The following XPO6 variants were observed in gnomAD, a reference collection of about 807,000 sequenced individuals.
The protein encoded by XPO6 is exportin-6.
A neutral mutation model predicts 130.0 loss-of-function variants in XPO6; 3 were observed. That is an observed-to-expected ratio of 0.02 (90% CI 0.01 to 0.06). The LOEUF is 0.06. Ranked by LOEUF, XPO6 falls within the 10% of genes least tolerant of loss-of-function variation. The pLI is 1.00. For missense variants in XPO6, 970 were observed against 1,393.0 expected (o/e 0.70, Z 4.83); for synonymous variants, 524 against 548.9 (o/e 0.95, Z 0.63).
chr16:28,113,261 T>G (rs2086974753), intron 15 of XPO6, among the ~76,000 whole-genome samples: 1 of 152,056 alleles, frequency 6.6e-6, no homozygotes, highest in Non-Finnish European at 1.5e-5. Flanking sequence ...CATTATCACC[T>G]CCTCCCGTTC....
intron 1 of XPO6, among the ~76,000 whole-genome samples, chr16:28,182,932 T>C (rs1446477933): frequency 6.6e-6 from 1 of 152,182 alleles, no homozygotes; most frequent in Non-Finnish European, 1.5e-5. Context: ...TGTGGGAAGA[T>C]GCAGAAGAAT....
At chr16:28,131,178 A>G (rs1274682618) in intron 12 of XPO6, among the ~76,000 whole-genome samples, 1 of 152,218 alleles carries the variant, frequency 6.6e-6, no homozygotes, top group African/African-American at 2.4e-5. Context: ...TACCCTATCT[A>G]CAAAGTCAGG....
intron 1 of XPO6, among the ~76,000 whole-genome samples, chr16:28,202,090 G>C (rs1485494199): frequency 1.3e-5 from 2 of 152,200 alleles, no homozygotes; most frequent in Non-Finnish European, 2.9e-5. Flanking sequence ...ATCAGCAAAG[G>C]CAGACAAGTA....
At position 28,211,476 on chromosome 16, in the gene XPO6, C is replaced by G; in HGVS notation, c.-108G>C. Reference sequence around the variant, plus strand: ...CGGCAGACTCGGGAAGTCCCCCACCCATGCAAAGACAACCCCTTCCCCACC... The same window carrying G: ...CGGCAGACTCGGGAAGTCCCCCACCGATGCAAAGACAACCCCTTCCCCACC... On this transcript the variant is annotated 5_prime_UTR_variant, in exon 1 of 24. An upstream start codon of the reference 5' UTR is lost. Coordinates refer to ENST00000304658, the MANE Select transcript of XPO6 (RefSeq NM_015171.4). 1 of 1,229,360 alleles carries G rather than the reference C, an allele frequency of 8.1e-7. No homozygotes were observed. The highest frequency in any genetic ancestry group is 1.5e-5 in the African/African-American group (1 of 64,992). The allele number at this position is 1,229,360 out of a possible 1,614,324, so 76.2% of individuals were successfully genotyped here. A position where few individuals can be genotyped will look rare whatever the true frequency, so the allele number is the denominator to read the frequency against.
chr16:28,111,767 A>C, intron 17 of XPO6, 50 bp downstream of exon 17: 9 of 1,592,238 alleles, frequency 5.7e-6, no homozygotes, highest in Non-Finnish European at 7.7e-6. Flanking sequence ...CACAAAGAAC[A>C]ATGCCTGCCT....
intron 12 of XPO6, among the ~76,000 whole-genome samples, chr16:28,131,092 T>C (rs893424999): frequency 1.3e-5 from 2 of 152,232 alleles, no homozygotes; most frequent in Admixed American, 6.5e-5. Flanking sequence ...ATGATTTTCA[T>C]TAGTGGTGAC....
intron 8 of XPO6, among the ~76,000 whole-genome samples, chr16:28,151,179 T>TAAAAAA (rs57769506): frequency 8.2e-4 from 88 of 106,718 alleles, no homozygotes; most frequent in East Asian, 8.2e-3. Flanking sequence ...CACTAGTGGT[T>TAAAAAA]AAAAAAAAAA....
intron 1 of XPO6, among the ~76,000 whole-genome samples, chr16:28,189,236 G>A (rs1037500642): frequency 1.4e-5 from 2 of 143,124 alleles, no homozygotes; most frequent in East Asian, 4.2e-4. Context: ...ACGAGCCACC[G>A]CGCCCAGCTG....
chr16:28,113,083 C>T, intron 15 of XPO6, 33 bp from the exon 16 acceptor site: 1 of 1,604,060 alleles, frequency 6.2e-7, no homozygotes, highest in Non-Finnish European at 8.5e-7. Context: ...CAGCTCACCA[C>T]ATCCCTGTAA....
chr16:28,201,042 T>TCACCCA (rs1259402713), intron 1 of XPO6, among the ~76,000 whole-genome samples: 3 of 152,066 alleles, frequency 2.0e-5, no homozygotes, highest in African/African-American at 7.2e-5. Flanking sequence ...AGACCTCACC[T>TCACCCA]CACCCACTCC....
chr16:28,211,200 G>A (rs570553557), intron 1 of XPO6, among the ~76,000 whole-genome samples, 166 bp downstream of exon 1: 1 of 152,326 alleles, frequency 6.6e-6, no homozygotes, highest in Admixed American at 6.5e-5. Context: ...GGGGATGGGA[G>A]CGCAGGGCCG....
rs1199399051 is a variant in XPO6, at chr16:28,117,304, T to C, written c.2004+14A>G. 4 of 1,613,314 alleles carry C rather than the reference T, an allele frequency of 2.5e-6. No individual in the cohort carries two copies. In the African/African-American group the frequency reaches 5.3e-5, roughly 22 times the overall value. On this transcript the variant is annotated intron_variant, in intron 15 of 23. Coordinates refer to ENST00000304658, the MANE Select transcript of XPO6 (RefSeq NM_015171.4). The stretch of plus-strand genomic sequence containing the variant: ...AGAGTTAGATAAAAGGTGTAGGCTT[T>C]GCTGTTTCGAGACCTTGGTGCTGAT...
At chr16:28,200,133 C>T (rs1205414416) in intron 1 of XPO6, among the ~76,000 whole-genome samples, 1 of 148,854 alleles carries the variant, frequency 6.7e-6, no homozygotes, top group Non-Finnish European at 1.5e-5. Flanking sequence ...CCAGCCTGGG[C>T]GAAACAGAGG....
Position 28,180,969 on chromosome 16 carries a change from A to G in XPO6, c.66T>C (p.Cys22=). The G allele has an allele frequency of 1.2e-6, 2 of 1,613,754 alleles. No individual in the cohort carries two copies. The highest frequency in any genetic ancestry group is 8.5e-7 in the Non-Finnish European group (1 of 1,179,916). The change falls in exon 2 of 24, where the codon TGT becomes TGC. Residue 22 remains cysteine, a synonymous_variant. Coordinates refer to ENST00000304658, the MANE Select transcript of XPO6 (RefSeq NM_015171.4). ...ESLMTEFFHD[C]TTNERKREIE... ...TCTCACGTTTTCTTTCATTGGTTGT[A>G]CAATCGTGAAAAAATTCTGTCATCA...
At chr16:28,136,501 T>G (rs1014153646) in intron 9 of XPO6, among the ~76,000 whole-genome samples, 2 of 152,224 alleles carry the variant, frequency 1.3e-5, no homozygotes, top group African/African-American at 4.8e-5. Flanking sequence ...ATTACAGGCG[T>G]GATCCCGCGC....
intron 9 of XPO6, among the ~76,000 whole-genome samples, chr16:28,140,855 T>C (rs1202118987): frequency 6.6e-6 from 1 of 151,592 alleles, no homozygotes; most frequent in Non-Finnish European, 1.5e-5. Context: ...ATAAAATATA[T>C]ATGAATAAAG....
At position 28,099,308 on chromosome 16, in the gene XPO6, A is replaced by AG. The variant is rs1380871419; in HGVS notation, c.3277-670dup. On this transcript the variant is annotated intron_variant, in intron 23 of 23. Coordinates refer to ENST00000304658, the MANE Select transcript of XPO6 (RefSeq NM_015171.4). ...GAGACCCTGCTTTTTTTTTCAGTGT[A>AG]GGTCCCGGTGAGGACTCAAACAGGC... 3.9e-5 allele frequency among the ~76,000 whole-genome samples: 6 copies of AG among 152,110 alleles called. No individual in the cohort carries two copies. In the East Asian group the frequency reaches 1.2e-3, roughly 29 times the overall value.
intron 2 of XPO6, among the ~76,000 whole-genome samples, chr16:28,177,706 G>A (rs1345323804): frequency 6.6e-6 from 1 of 152,122 alleles, no homozygotes; most frequent in Non-Finnish European, 1.5e-5. Context: ...CTACATTCTA[G>A]GGCCTCGCCA....
intron 14 of XPO6, among the ~76,000 whole-genome samples, chr16:28,121,406 T>A (rs1446158264): frequency 6.6e-6 from 1 of 152,226 alleles, no homozygotes; most frequent in African/African-American, 2.4e-5. Context: ...TGTGACTGTC[T>A]CAGCCTGTAC....
Sources: gnomAD v4.1 joint callset for allele counts (sites outside exome capture counted in the v4.1 genomes callset) on GRCh38, gnomAD v4.1.1 for gene constraint, MANE v1.5 for transcripts, NCBI Gene and HGNC (gene_info 2026-07-23, HGNC 2026-07-21) for gene names.